Variants in OLFM2 observed in about 807,000 individuals in gnomAD.
OLFM2 encodes the protein olfactomedin 2.
In OLFM2, 20 loss-of-function variants were observed where a neutral mutation model predicts 43.9. The observed-to-expected ratio is 0.46, with a 90% CI of 0.32 to 0.66. The LOEUF (loss-of-function observed/expected upper bound fraction) is 0.66, where lower values mean the gene tolerates loss of function less well. Among genes scored for constraint, OLFM2 ranks in the 30% least tolerant of loss-of-function variants. The probability of loss-of-function intolerance (pLI) is 0.04; values close to 1 mark genes in which losing one functional copy is unlikely to be tolerated. For missense variants in OLFM2, 416 were observed against 643.6 expected (o/e 0.65, Z 3.83); for synonymous variants, 268 against 278.6 (o/e 0.96, Z 0.38).
chr19:9,927,258 G>A (rs1191843935), intron 1 of OLFM2, among the ~76,000 whole-genome samples: 1 of 152,020 alleles, frequency 6.6e-6, no homozygotes, highest in Non-Finnish European at 1.5e-5. Flanking sequence ...CTCCAGCCTG[G>A]GCGACAGAGC....
At chr19:9,910,638 G>A (rs1046614068) in intron 1 of OLFM2, among the ~76,000 whole-genome samples, 1 of 152,138 alleles carries the variant, frequency 6.6e-6, no homozygotes, top group Non-Finnish European at 1.5e-5. Context: ...GTGGAAGGAT[G>A]GATGCACAGA....
At chr19:9,887,186 A>T (rs1568376069) in intron 1 of OLFM2, among the ~76,000 whole-genome samples, 1 of 148,826 alleles carries the variant, frequency 6.7e-6, no homozygotes, top group African/African-American at 2.5e-5. Context: ...TTTTTCTTTC[A>T]TTTTTTTTTT....
intron 1 of OLFM2, among the ~76,000 whole-genome samples, chr19:9,921,412 C>T (rs1232824567): frequency 1.3e-5 from 2 of 152,168 alleles, no homozygotes; most frequent in African/African-American, 4.8e-5. Flanking sequence ...AGCCACTGCA[C>T]CCAGCTAGGC....
chr19:9,889,155 G>C (rs2046616272), intron 1 of OLFM2, among the ~76,000 whole-genome samples: 1 of 152,142 alleles, frequency 6.6e-6, no homozygotes, highest in Admixed American at 6.6e-5. Flanking sequence ...GAGGCCTGGA[G>C]AGGGGAGGGG....
Position 9,854,232 on chromosome 19 carries a change from T to A in OLFM2, c.1319A>T (p.Tyr440Phe). 4.3e-6 allele frequency: 7 copies of A among 1,614,068 alleles called. No homozygotes were observed. The highest frequency in any genetic ancestry group is 5.9e-6 in the Non-Finnish European group (7 of 1,180,014). ...GATGACGTGAAACAGGGTGACATTG[T>A]AGAGCACCTGGTGGCCGTTGTTCCA... The part of the protein sequence containing the change: ...YTWNNGHQVL[Y>F]NVTLFHVIST... The change falls in exon 6 of 6, where the codon TAC becomes TTC. Residue 440 changes from tyrosine to phenylalanine, a missense_variant. By Grantham distance (22) the Tyr-to-Phe change is conservative. Coordinates refer to ENST00000264833, the MANE Select transcript of OLFM2 (RefSeq NM_058164.4). This position sits in a 1 kb window ranked among gnomAD's most constrained non-coding sequence, Gnocchi z 9.5.
intron 1 of OLFM2, among the ~76,000 whole-genome samples, chr19:9,874,550 G>A (rs764484452): frequency 2.6e-5 from 4 of 151,910 alleles, no homozygotes; most frequent in African/African-American, 4.8e-5. Flanking sequence ...GAGCCATCTC[G>A]GCTCACTGCA....
intron 1 of OLFM2, among the ~76,000 whole-genome samples, chr19:9,914,991 T>G (rs1599498479): frequency 6.6e-6 from 1 of 151,620 alleles, no homozygotes; most frequent in East Asian, 2.0e-4. Flanking sequence ...GGGCTAGGGG[T>G]CTCGAACCGT....
At chr19:9,866,165 T>C (rs1363007366) in intron 1 of OLFM2, among the ~76,000 whole-genome samples, 1 of 152,206 alleles carries the variant, frequency 6.6e-6, no homozygotes, top group Non-Finnish European at 1.5e-5. Flanking sequence ...ATTAAATGCC[T>C]GGGTTTTGGC....
intron 1 of OLFM2, among the ~76,000 whole-genome samples, chr19:9,894,376 C>CAGTAGT (rs58964211): frequency 8.5e-6 from 1 of 118,298 alleles, no homozygotes; most frequent in Admixed American, 8.3e-5. Flanking sequence ...GACTCTCTCT[C>CAGTAGT]AATAATAATA....
intron 1 of OLFM2, among the ~76,000 whole-genome samples, chr19:9,866,928 A>G (rs937122733): frequency 3.9e-5 from 6 of 152,050 alleles, no homozygotes; most frequent in African/African-American, 1.4e-4. Flanking sequence ...TCTTACAAAC[A>G]CTTTTGCTGA....
chr19:9,867,225 G>C (rs2046408743), intron 1 of OLFM2, among the ~76,000 whole-genome samples: 1 of 152,102 alleles, frequency 6.6e-6, no homozygotes, highest in Admixed American at 6.6e-5. Flanking sequence ...ACAAAAATTA[G>C]CCAGACGTGG....
Position 9,857,462 on chromosome 19 carries a change from C to G in OLFM2, c.381G>C (p.Thr127=). The change falls in exon 4 of 6, where the codon ACG becomes ACC. Residue 127 remains threonine, a synonymous_variant. Coordinates refer to ENST00000264833, the MANE Select transcript of OLFM2 (RefSeq NM_058164.4). The surrounding 1 kb of genome is among the most constrained non-coding windows in gnomAD (Gnocchi z 5.7). The part of the protein sequence containing the change: ...KSFQELKDRM[T]ELLPLSSVLE... ...GGACCGAGCTCAGGGGCAACAGTTC[C>G]GTCATCCTGTCCTTCAGCTCCTGTG... 6.2e-7 allele frequency: 1 copy of G among 1,613,894 alleles called. No homozygotes were observed. The highest frequency in any genetic ancestry group is 8.5e-7 in the Non-Finnish European group (1 of 1,180,016).
At chr19:9,911,981 T>C (rs1440593676) in intron 1 of OLFM2, among the ~76,000 whole-genome samples, 1 of 152,102 alleles carries the variant, frequency 6.6e-6, no homozygotes, top group Non-Finnish European at 1.5e-5. Context: ...CACATGCTGA[T>C]ACGTCCACAC....
intron 1 of OLFM2, among the ~76,000 whole-genome samples, chr19:9,873,929 G>A (rs1343174973): frequency 6.7e-6 from 1 of 148,690 alleles, no homozygotes; most frequent in African/African-American, 2.5e-5. Flanking sequence ...GAAATTACAG[G>A]TGTGGGCCAC....
intron 1 of OLFM2, among the ~76,000 whole-genome samples, chr19:9,882,005 C>T (rs182823594): frequency 4.0e-5 from 6 of 151,584 alleles, no homozygotes; most frequent in African/African-American, 1.2e-4. Flanking sequence ...GAGGCCGAGG[C>T]GGGTGGATGG....
chr19:9,891,352 C>T (rs1224297355), intron 1 of OLFM2, among the ~76,000 whole-genome samples: 2 of 147,264 alleles, frequency 1.4e-5, no homozygotes, highest in Non-Finnish European at 3.0e-5. Context: ...GGGCCAGGCA[C>T]AGTGGCTCAC....
At chr19:9,932,519 A>G (rs2086489103) in intron 1 of OLFM2, among the ~76,000 whole-genome samples, 1 of 151,854 alleles carries the variant, frequency 6.6e-6, no homozygotes, top group African/African-American at 2.4e-5. Context: ...GCACTCAGAG[A>G]GTGGCAGCAG....
At chr19:9,907,226 C>T (rs1326431498) in intron 1 of OLFM2, among the ~76,000 whole-genome samples, 3 of 151,996 alleles carry the variant, frequency 2.0e-5, no homozygotes, top group African/African-American at 4.8e-5. Flanking sequence ...GTAGCTGAGG[C>T]GGGTGGATCA....
At chr19:9,934,052 A>G (rs2086500620) in intron 1 of OLFM2, among the ~76,000 whole-genome samples, 3 of 152,038 alleles carry the variant, frequency 2.0e-5, no homozygotes. Context: ...ATATCTGTTC[A>G]TTGAATGGAT....
Sources: gnomAD v4.1 joint callset for allele counts (sites outside exome capture counted in the v4.1 genomes callset) on GRCh38, gnomAD v4.1.1 for gene constraint, Gnocchi (gnomAD v3.1) non-coding constraint, MANE v1.5 for transcripts, NCBI Gene and HGNC (gene_info 2026-07-23, HGNC 2026-07-21) for gene names.